The following SHANK2 variants were observed in gnomAD, a reference collection of about 807,000 sequenced individuals.
The protein encoded by SHANK2 is SH3 and multiple ankyrin repeat domains protein 2.
A neutral mutation model predicts 133.7 loss-of-function variants in SHANK2; 43 were observed. The observed-to-expected ratio is 0.32, with a 90% CI of 0.25 to 0.41. The LOEUF (loss-of-function observed/expected upper bound fraction) is 0.41, where lower values mean the gene tolerates loss of function less well. SHANK2 is among the 10% of genes least tolerant of loss of function. The probability of loss-of-function intolerance (pLI) is 1.00; values close to 1 mark genes in which losing one functional copy is unlikely to be tolerated. For synonymous variants in SHANK2, 1,017 were observed against 952.8 expected (o/e 1.07, Z -1.24); for missense variants, 1,994 against 2,235.8 (o/e 0.89, Z 2.18).
intron 14 of SHANK2, among the ~76,000 whole-genome samples, chr11:70,729,810 G>C (rs1477423805): frequency 6.6e-6 from 1 of 151,238 alleles, no homozygotes; most frequent in Non-Finnish European, 1.5e-5. Flanking sequence ...TGGGATTACA[G>C]GCTTGAGCCA....
intron 10 of SHANK2, among the ~76,000 whole-genome samples, chr11:70,899,694 C>T (rs904866452): frequency 2.0e-5 from 3 of 152,238 alleles, no homozygotes; most frequent in African/African-American, 4.8e-5. Context: ...CCCTGGTCTG[C>T]TCAGGCTGAG....
chr11:71,150,569 G>T (rs530757548), intron 2 of SHANK2, among the ~76,000 whole-genome samples: 5 of 152,082 alleles, frequency 3.3e-5, no homozygotes, highest in African/African-American at 9.7e-5. Flanking sequence ...CTTCTATTTA[G>T]TCTCTAGCTA....
chr11:70,549,570 G>T (rs566940482), intron 17 of SHANK2, among the ~76,000 whole-genome samples: 1 of 152,166 alleles, frequency 6.6e-6, no homozygotes, highest in East Asian at 1.9e-4. Flanking sequence ...AGGGGCAGGC[G>T]GGGGCCGTGG....
At chr11:71,060,868 G>A (rs946816948) in intron 9 of SHANK2, among the ~76,000 whole-genome samples, 1 of 152,190 alleles carries the variant, frequency 6.6e-6, no homozygotes, top group African/African-American at 2.4e-5. Context: ...TTTCAGGGTG[G>A]GAAACCCCTG....
intron 14 of SHANK2, among the ~76,000 whole-genome samples, chr11:70,782,005 C>T (rs1026422332): frequency 1.1e-4 from 16 of 152,000 alleles, no homozygotes; most frequent in African/African-American, 3.4e-4. Flanking sequence ...AGCAAACTAT[C>T]GCAAGGACAA....
chr11:70,641,287 G>T (rs2061177686), intron 17 of SHANK2, among the ~76,000 whole-genome samples: 1 of 152,008 alleles, frequency 6.6e-6, no homozygotes, highest in Admixed American at 6.6e-5. Flanking sequence ...TAGAGATGGG[G>T]TTTCACCGTG....
intron 17 of SHANK2, among the ~76,000 whole-genome samples, chr11:70,559,359 A>G (rs1416859563): frequency 6.6e-6 from 1 of 152,134 alleles, no homozygotes; most frequent in Non-Finnish European, 1.5e-5. Context: ...TAGCTTTACC[A>G]AAAGAAACCA....
At chr11:70,542,385 C>G (rs74858139) in intron 17 of SHANK2, among the ~76,000 whole-genome samples, 4 of 152,138 alleles carry the variant, frequency 2.6e-5, no homozygotes, top group African/African-American at 9.7e-5. Flanking sequence ...CAAGGAATAC[C>G]GGGAGCCCCA....
At chr11:70,859,758 G>C (rs1649550467) in intron 11 of SHANK2, among the ~76,000 whole-genome samples, 1 of 152,158 alleles carries the variant, frequency 6.6e-6, no homozygotes, top group Admixed American at 6.5e-5. Context: ...CAGGAAGCTT[G>C]TTACCCACAG....
chr11:71,244,796 G>A (rs1167734141), intron 1 of SHANK2, among the ~76,000 whole-genome samples: 12 of 152,082 alleles, frequency 7.9e-5, no homozygotes, highest in African/African-American at 2.4e-4. Context: ...TCCGCCTGCC[G>A]GGTTCAAGTG....
rs1166640448 is a variant in SHANK2, at chr11:70,479,982, G to C, written c.4979+5332C>G. Among the ~76,000 whole-genome samples the C allele has an allele frequency of 6.6e-6, 1 of 152,166 alleles. No individual in the cohort carries two copies. Among genetic ancestry groups the C allele is most frequent in the Admixed American group, 6.5e-5 (1 of 15,282 alleles). On this transcript the variant is annotated intron_variant, in intron 25 of 25. Coordinates refer to ENST00000601538, the MANE Select transcript of SHANK2 (RefSeq NM_012309.5). This position sits in a 1 kb window ranked among gnomAD's most constrained non-coding sequence, Gnocchi z 4.4. The stretch of plus-strand genomic sequence containing the variant: ...ATGCAGGCCCTACACTCCCACAGCA[G>C]CCTCCCTGTGCCACCAGTGCATTCA...
At chr11:70,836,145 G>A (rs1948811904) in intron 11 of SHANK2, among the ~76,000 whole-genome samples, 1 of 152,240 alleles carries the variant, frequency 6.6e-6, no homozygotes, top group Non-Finnish European at 1.5e-5. Flanking sequence ...GGGGGCCAGG[G>A]GAAGGCCCAG....
chr11:70,481,216 T>A (rs1555151477), intron 25 of SHANK2, among the ~76,000 whole-genome samples: 6 of 152,250 alleles, frequency 3.9e-5, no homozygotes, highest in Admixed American at 2.0e-4. Flanking sequence ...TTTTTCTCTT[T>A]TAACATTATG....
intron 14 of SHANK2, among the ~76,000 whole-genome samples, chr11:70,775,258 C>G (rs1947337041): frequency 6.6e-6 from 1 of 152,162 alleles, no homozygotes; most frequent in South Asian, 2.1e-4. Context: ...GAGTTCAAGA[C>G]CAGCCTTGGC....
intron 3 of SHANK2, among the ~76,000 whole-genome samples, chr11:71,136,878 T>C (rs11232208): frequency 0.13 from 19,416 of 152,224 alleles, 3,241 homozygotes; most frequent in African/African-American, 0.39. Flanking sequence ...TTTTTATTTT[T>C]TGAGATGGAG....
intron 14 of SHANK2, among the ~76,000 whole-genome samples, chr11:70,760,654 G>T (rs1326450709): frequency 1.3e-5 from 2 of 152,264 alleles, no homozygotes; most frequent in Non-Finnish European, 2.9e-5. Flanking sequence ...CTACAGTGCT[G>T]TGGGAGTGTG....
chr11:70,580,119 C>T (rs907006290), intron 17 of SHANK2, among the ~76,000 whole-genome samples: 3 of 152,218 alleles, frequency 2.0e-5, no homozygotes, highest in East Asian at 1.9e-4. Flanking sequence ...GCCTCAGCCA[C>T]GGGAAGTGCA....
intron 3 of SHANK2, among the ~76,000 whole-genome samples, chr11:71,124,811 GAGA>G (rs1952152850): frequency 1.3e-5 from 2 of 152,206 alleles, no homozygotes; most frequent in South Asian, 4.1e-4. Flanking sequence ...GAGCTTCACA[GAGA>G]AGGTGTTTTT....
intron 2 of SHANK2, among the ~76,000 whole-genome samples, chr11:71,192,203 GGTCCATCCATAT>G (rs1953807929): frequency 6.6e-6 from 1 of 152,096 alleles, no homozygotes. Context: ...TTTGGATTAG[GGTCCATCCATAT>G]GACCCCAACT....
Sources: allele counts gnomAD v4.1 joint callset (sites outside exome capture counted in the v4.1 genomes callset), GRCh38; gene constraint gnomAD v4.1.1; non-coding constraint Gnocchi (gnomAD v3.1); transcripts MANE v1.5; gene names NCBI Gene and HGNC (gene_info 2026-07-23, HGNC 2026-07-21).